CLCF1: variants seen among roughly 807,000 people sequenced by gnomAD.
CLCF1 encodes cardiotrophin-like cytokine factor 1.
Under a neutral mutation model 21.2 loss-of-function variants are expected in CLCF1, and 10 were observed. The observed-to-expected ratio is 0.47, with a 90% CI of 0.29 to 0.80. The LOEUF (loss-of-function observed/expected upper bound fraction) is 0.80, where lower values mean the gene tolerates loss of function less well. Ranked by LOEUF, CLCF1 falls within the 30% of genes least tolerant of loss-of-function variation. CLCF1 has a pLI of 0.09. For missense variants in CLCF1, 240 were observed against 293.4 expected (o/e 0.82, Z 1.33); for synonymous variants, 115 against 120.5 (o/e 0.95, Z 0.30).
intron 2 of CLCF1, among the ~76,000 whole-genome samples, chr11:67,366,831 C>T (rs1024786476): frequency 2.0e-5 from 3 of 152,078 alleles, no homozygotes; most frequent in African/African-American, 7.3e-5. Flanking sequence ...GGCCGGTTCC[C>T]CATGGTCCTC....
At chr11:67,371,640 G>C (rs748573476) in intron 1 of CLCF1, among the ~76,000 whole-genome samples, 10 of 152,174 alleles carry the variant, frequency 6.6e-5, no homozygotes, top group African/African-American at 1.9e-4. Flanking sequence ...GGGGAGCCAG[G>C]GGGGAGCCCA....
Position 67,364,451 on chromosome 11 carries a change from A to T in CLCF1, c.*685T>A, listed in dbSNP as rs1445282347. On this transcript the variant is annotated 3_prime_UTR_variant, in exon 3 of 3. Coordinates refer to ENST00000312438, the MANE Select transcript of CLCF1 (RefSeq NM_013246.3). ...GGGGGCAGAGAAGAGGCACCGTAAT[A>T]CTGGAAGACAATTCGAGGCAAGGTC... is the stretch of plus-strand genomic sequence containing the variant. 1 of 152,644 alleles carries T rather than the reference A, an allele frequency of 6.6e-6. No individual in the cohort carries two copies. The highest frequency in any genetic ancestry group is 2.4e-5 in the African/African-American group (1 of 41,410). 9.5% of individuals were successfully genotyped at this position (152,644 alleles called of 1,614,324 possible). A position where few individuals can be genotyped will look rare whatever the true frequency, so the allele number is the denominator to read the frequency against.
chr11:67,373,617 C>A, upstream of CLCF1: 2 of 1,275,300 alleles, frequency 1.6e-6, no homozygotes, highest in Non-Finnish European at 2.0e-6. Context: ...GCGGCTCCGG[C>A]GAAGCTTTAA....
At chr11:67,373,446 G>T in intron 1 of CLCF1, 78 bp downstream of exon 1, 1 of 798,520 alleles carries the variant, frequency 1.3e-6, no homozygotes, top group Non-Finnish European at 1.9e-6. Flanking sequence ...GGCTCCCGGG[G>T]GTCAGGGCAG....
chr11:67,371,015 C>T (rs763771664), intron 1 of CLCF1: 2 of 985,158 alleles, frequency 2.0e-6, no homozygotes, highest in Non-Finnish European at 2.4e-6. Flanking sequence ...TTGGAGGGGT[C>T]TGTTGAGGGG....
In CLCF1 at chr11:67,365,043, G is replaced by A. The variant is rs534631042; in HGVS notation, c.*93C>T. The A allele has an allele frequency of 6.3e-7, 1 of 1,595,028 alleles. No homozygotes were observed. The highest frequency in any genetic ancestry group is 1.3e-5 in the African/African-American group (1 of 74,844). The stretch of plus-strand genomic sequence containing the variant: ...AAAGGGCCAGAGGCTCACAGCTTCT[G>A]TCTCCTGGCTCAACAGGTGTTGGCA... On this transcript the variant is annotated 3_prime_UTR_variant, in exon 3 of 3. Transcript: ENST00000312438. The surrounding 1 kb of genome is among the most constrained non-coding windows in gnomAD (Gnocchi z 5.0).
At chr11:67,370,276 G>A in intron 1 of CLCF1, 2 of 985,326 alleles carry the variant, frequency 2.0e-6, no homozygotes, top group African/African-American at 1.7e-5. Flanking sequence ...CCTGCCTCCT[G>A]AGGAGAGTGC....
Position 67,372,084 on chromosome 11 carries a change from G to A in CLCF1, c.16+1440C>T, listed in dbSNP as rs917442271. 6.6e-6 allele frequency among the ~76,000 whole-genome samples: 1 copy of A among 152,124 alleles called. No homozygotes were observed. Among genetic ancestry groups the A allele is most frequent in the Non-Finnish European group, 1.5e-5 (1 of 68,004 alleles). On this transcript the variant is annotated intron_variant, in intron 1 of 2. Transcript: ENST00000312438. This position sits in a 1 kb window ranked among gnomAD's most constrained non-coding sequence, Gnocchi z 5.9. ...GTACTCGCATCCTGTCCGGTGTGAG[G>A]GGCAACGTGTGCTCCCGAGCTGTGG...
At chr11:67,370,627 C>T in intron 1 of CLCF1, 1 of 982,892 alleles carries the variant, frequency 1.0e-6, no homozygotes, top group Non-Finnish European at 1.2e-6. Context: ...CACACACACA[C>T]ACACTCTCTC....
At position 67,366,031 on chromosome 11, in the gene CLCF1, G is replaced by A. The variant is rs554656374; in HGVS notation, c.184-401C>T. Among the ~76,000 whole-genome samples, 128 of 152,208 alleles carry A rather than the reference G, an allele frequency of 8.4e-4. 1 individual carries two copies. Among genetic ancestry groups the A allele is most frequent in the Non-Finnish European group, 1.5e-3 (104 of 68,034 alleles). On this transcript the variant is annotated intron_variant, in intron 2 of 2. Coordinates refer to ENST00000312438, the MANE Select transcript of CLCF1 (RefSeq NM_013246.3). ...CCAGGAGAGTGCAGAGACCAAGGAA[G>A]AGGAGTTCGAGAAGGCAGCAGCGCT...
At chr11:67,373,811 T>C, upstream of CLCF1, 5 of 981,814 alleles carry the variant, frequency 5.1e-6, no homozygotes, top group Non-Finnish European at 6.3e-6. Flanking sequence ...AGGGAGGGCT[T>C]CTGGGGCTCC....
intron 1 of CLCF1, chr11:67,368,896 T>C (rs1306933753): frequency 3.1e-6 from 3 of 972,846 alleles, no homozygotes; most frequent in African/African-American, 1.9e-5. Context: ...TTCTTTCCTA[T>C]AGTTCTTTTT....
intron 1 of CLCF1, chr11:67,371,004 G>A (rs1346545289): frequency 1.0e-6 from 1 of 985,430 alleles, no homozygotes; most frequent in Non-Finnish European, 1.2e-6. Context: ...GCTGGCTGCG[G>A]TTGGAGGGGT....
intron 1 of CLCF1, chr11:67,370,432 C>G (rs1284592647): frequency 1.0e-6 from 1 of 983,482 alleles, no homozygotes; most frequent in Non-Finnish European, 1.2e-6. Flanking sequence ...CCCAGCTCTG[C>G]CTCTGGCTGC....
Position 67,373,517 on chromosome 11 carries a change from C to A in CLCF1, c.16+7G>T. 1 of 1,408,006 alleles carries A rather than the reference C, an allele frequency of 7.1e-7. No homozygotes were observed. The highest frequency in any genetic ancestry group is 9.4e-7 in the Non-Finnish European group (1 of 1,068,862). The allele number at this position is 1,408,006 out of a possible 1,614,324, so 87.2% of individuals were successfully genotyped here. ...GGGGGTCGGGGCCTCGGCCGCCTGG[C>A]TCCTACCTGCTCGGAGGTCCATGGG... On this transcript the variant is annotated splice_region_variant and intron_variant, in intron 1 of 2. Coordinates refer to ENST00000312438, the MANE Select transcript of CLCF1 (RefSeq NM_013246.3).
intron 1 of CLCF1, chr11:67,370,023 G>C (rs1300351227): frequency 2.0e-6 from 2 of 985,310 alleles, no homozygotes; most frequent in African/African-American, 3.5e-5. Flanking sequence ...CGGGTGGGGG[G>C]CAGGGGAGAA....
chr11:67,370,986 G>T, intron 1 of CLCF1: 2 of 985,452 alleles, frequency 2.0e-6, no homozygotes, highest in Non-Finnish European at 2.4e-6. Context: ...GGCCAGACCA[G>T]GACCAGCGCT....
chr11:67,365,013 C>A lies in CLCF1; in HGVS notation c.*123G>T. On this transcript the variant is annotated 3_prime_UTR_variant, in exon 3 of 3. Transcript: ENST00000312438. The surrounding 1 kb of genome is among the most constrained non-coding windows in gnomAD (Gnocchi z 5.0). ...TGATCGCATCACACGCCCAGCCGGT[C>A]CAGGAAAGGGCCAGAGGCTCACAGC... is the stretch of plus-strand genomic sequence containing the variant. 6.5e-7 allele frequency: 1 copy of A among 1,535,700 alleles called. No individual in the cohort carries two copies. The highest frequency in any genetic ancestry group is 1.4e-5 in the African/African-American group (1 of 73,596).
At position 67,372,656 on chromosome 11, in the gene CLCF1, A is replaced by T. The variant is rs1311357079; in HGVS notation, c.16+868T>A. Among the ~76,000 whole-genome samples, 3 of 144,486 alleles carry T rather than the reference A, an allele frequency of 2.1e-5. No homozygotes were observed. The highest frequency in any genetic ancestry group is 2.0e-4 in the Admixed American group (3 of 14,724). 94.8% of individuals were successfully genotyped at this position (144,486 alleles called of 152,430 possible). A position where few individuals can be genotyped will look rare whatever the true frequency, so the allele number is the denominator to read the frequency against. ...CGGGGGCGGGGGCGGGGTCCGGGGCACCGGGCTCCGGGCTCTGCCCGGCGC... is the reference window on the plus strand; with the variant it reads ...CGGGGGCGGGGGCGGGGTCCGGGGCTCCGGGCTCCGGGCTCTGCCCGGCGC... On this transcript the variant is annotated intron_variant, in intron 1 of 2. Coordinates refer to ENST00000312438, the MANE Select transcript of CLCF1 (RefSeq NM_013246.3). This position sits in a 1 kb window ranked among gnomAD's most constrained non-coding sequence, Gnocchi z 5.9.
Sources: allele counts gnomAD v4.1 joint callset (sites outside exome capture counted in the v4.1 genomes callset), GRCh38; gene constraint gnomAD v4.1.1; non-coding constraint Gnocchi (gnomAD v3.1); transcripts MANE v1.5; gene names NCBI Gene and HGNC (gene_info 2026-07-23, HGNC 2026-07-21).